Variants in ATP10A observed in about 807,000 individuals in gnomAD.
The protein encoded by ATP10A is ATPase phospholipid transporting 10A (putative).
In ATP10A, 111 loss-of-function variants were observed where a neutral mutation model predicts 147.8. That is an observed-to-expected ratio of 0.75 (90% CI 0.64 to 0.88). The LOEUF is 0.88. ATP10A is among the 40% of genes least tolerant of loss of function. The pLI is 0.00. For synonymous variants in ATP10A, 875 were observed against 841.6 expected, an observed-to-expected ratio of 1.04 and a Z score of -0.69; for missense variants, 1,927 against 1,959.0, an observed-to-expected ratio of 0.98 and a Z score of 0.31.
chr15:25,862,619 G>GCGCT (rs1567440356), intron 1 of ATP10A, 29 bp downstream of exon 1: 2 of 1,520,430 alleles, frequency 1.3e-6, no homozygotes, highest in Admixed American at 3.9e-5. Flanking sequence ...GCGCCACCGC[G>GCGCT]CGCTCGCTCG....
chr15:25,764,380 G>C (rs1304872355), intron 2 of ATP10A, among the ~76,000 whole-genome samples: 1 of 152,168 alleles, frequency 6.6e-6, no homozygotes, highest in East Asian at 1.9e-4. Context: ...AGTCCCCCAT[G>C]TATATGTTAA....
At chr15:25,708,373 T>A (rs1397477799) in intron 10 of ATP10A, 73 bp from the exon 11 acceptor site, 3 of 1,333,258 alleles carry the variant, frequency 2.3e-6, no homozygotes, top group East Asian at 2.3e-5. Context: ...ACTCCGAGAT[T>A]TACCCCACGT....
chr15:25,708,427 T>A, intron 10 of ATP10A, 127 bp from the exon 11 acceptor site: 5 of 746,812 alleles, frequency 6.7e-6, no homozygotes, highest in South Asian at 1.8e-5. Flanking sequence ...CATATAGAAT[T>A]CAAAGCAAAA....
intron 3 of ATP10A, among the ~76,000 whole-genome samples, chr15:25,727,847 A>G (rs998925637): frequency 2.0e-5 from 3 of 152,198 alleles, no homozygotes; most frequent in Admixed American, 6.5e-5. Context: ...CCAGAGGGAT[A>G]GTCTAAGCTT....
At chr15:25,845,668 G>A (rs745474127) in intron 1 of ATP10A, among the ~76,000 whole-genome samples, 16 of 152,136 alleles carry the variant, frequency 1.1e-4, no homozygotes, top group Non-Finnish European at 2.4e-4. Flanking sequence ...CCTCTCCACT[G>A]GCAGCAGCAG....
chr15:25,696,177 A>T (rs140252531), intron 13 of ATP10A, among the ~76,000 whole-genome samples: 12 of 152,316 alleles, frequency 7.9e-5, no homozygotes, highest in African/African-American at 2.9e-4. Flanking sequence ...ACGGAAATCC[A>T]GCTGTGTTCA....
chr15:25,807,160 G>GC (rs1891224248), intron 1 of ATP10A, among the ~76,000 whole-genome samples: 1 of 152,208 alleles, frequency 6.6e-6, no homozygotes, highest in Non-Finnish European at 1.5e-5. Flanking sequence ...TTCTCCCCTG[G>GC]TGGCATCCTT....
chr15:25,797,247 T>G (rs1441673390), intron 1 of ATP10A, among the ~76,000 whole-genome samples: 1 of 152,250 alleles, frequency 6.6e-6, no homozygotes, highest in African/African-American at 2.4e-5. Context: ...CTTATTTCAC[T>G]GAACATAATG....
At position 25,705,460 on chromosome 15, in the gene ATP10A, A is replaced by C. The variant is rs1184613082; in HGVS notation, c.2575+2516T>G. ...CAAAGCAAAAAAAAAAAAACAAAAA[A>C]AAAAAACAAAAAAAATCACCTTCAT... On this transcript the variant is annotated intron_variant, in intron 12 of 20. Transcript: ENST00000555815. Among the ~76,000 whole-genome samples, 8 of 2,696 alleles carry C rather than the reference A, an allele frequency of 3.0e-3. No individual in the cohort carries two copies. The Admixed American group carries it at 0.07, about 24-fold the overall frequency. The allele number at this position is 2,696 out of a possible 152,430, so 1.8% of individuals were successfully genotyped here.
In ATP10A at chr15:25,687,744, G is replaced by A. The variant is rs1473756733; in HGVS notation, c.3250C>T (p.Arg1084Ter). 1.2e-5 allele frequency: 20 copies of A among 1,611,200 alleles called. No individual in the cohort carries two copies. The highest frequency in any genetic ancestry group is 4.5e-5 in the East Asian group (2 of 44,744). The change falls in exon 16 of 21, where the codon CGA becomes TGA. Residue 1084 changes from arginine to a stop codon, truncating the protein, a stop_gained. Transcript: ENST00000555815. LOFTEE classifies it high-confidence loss of function. ...AAGTACAGCACCATGTTGGCAAGTCGGGAGTAGCACCAATGCCCGTGAAGA... is the reference window on the plus strand; with the variant it reads ...AAGTACAGCACCATGTTGGCAAGTCAGGAGTAGCACCAATGCCCGTGAAGA... ...LILHGHWCYS[R>*]LANMVLYFFY...
chr15:25,796,077 T>C (rs949232186), intron 1 of ATP10A, among the ~76,000 whole-genome samples: 5 of 152,156 alleles, frequency 3.3e-5, no homozygotes, highest in Non-Finnish European at 7.3e-5. Flanking sequence ...CTTTTCTTTG[T>C]AAATTATCCA....
intron 15 of ATP10A, 161 bp from the exon 16 acceptor site, chr15:25,687,989 A>G (rs1309793458): frequency 2.3e-6 from 2 of 867,942 alleles, no homozygotes; most frequent in Non-Finnish European, 1.9e-6. Flanking sequence ...CGTCTCCCTC[A>G]GCATCTCCTT....
chr15:25,788,839 A>G (rs1366699084), intron 1 of ATP10A, among the ~76,000 whole-genome samples: 1 of 152,256 alleles, frequency 6.6e-6, no homozygotes, highest in African/African-American at 2.4e-5. Flanking sequence ...TTTCATTGGA[A>G]GAGAACAATT....
chr15:25,675,585 A>G (rs1899119819), downstream of ATP10A, among the ~76,000 whole-genome samples: 1 of 142,820 alleles, frequency 7.0e-6, no homozygotes, highest in African/African-American at 2.5e-5. Context: ...AGGGGCTGGG[A>G]GGGAGGGAGC....
intron 12 of ATP10A, among the ~76,000 whole-genome samples, chr15:25,703,434 C>A (rs1050569937): frequency 4.6e-5 from 7 of 152,172 alleles, no homozygotes; most frequent in Non-Finnish European, 7.3e-5. Flanking sequence ...AAGGAGGCAG[C>A]CATCTGCAAA....
chr15:25,791,603 T>A (rs1266072531), intron 1 of ATP10A, among the ~76,000 whole-genome samples: 2 of 151,774 alleles, frequency 1.3e-5, no homozygotes, highest in African/African-American at 4.8e-5. Flanking sequence ...CCCAGGGTGG[T>A]CTCAAACTCC....
chr15:25,839,616 C>T (rs1026958064), intron 1 of ATP10A, among the ~76,000 whole-genome samples: 1 of 152,212 alleles, frequency 6.6e-6, no homozygotes, highest in Non-Finnish European at 1.5e-5. Context: ...CCACTGGGCA[C>T]TCCGTTGGCA....
intron 1 of ATP10A, among the ~76,000 whole-genome samples, chr15:25,845,801 T>C (rs1478134759): frequency 2.0e-5 from 3 of 152,230 alleles, no homozygotes; most frequent in Non-Finnish European, 2.9e-5. Context: ...CCGGAATCCA[T>C]GCAGAATGTC....
intron 12 of ATP10A, 55 bp downstream of exon 12, chr15:25,707,921 G>A (rs2291355): frequency 0.4 from 640,370 of 1,594,286 alleles, 133,208 homozygotes; most frequent in East Asian, 0.48. Context: ...CCCCTCCAGG[G>A]CCGTCCCTGC....
Sources: allele counts gnomAD v4.1 joint callset (sites outside exome capture counted in the v4.1 genomes callset), GRCh38; gene constraint gnomAD v4.1.1; transcripts MANE v1.5; gene names NCBI Gene and HGNC (gene_info 2026-07-23, HGNC 2026-07-21).